CDH2: variants seen among roughly 807,000 people sequenced by gnomAD.
The protein encoded by CDH2 is cadherin 2.
In CDH2, 17 loss-of-function variants were observed where a neutral mutation model predicts 92.0. The ratio of observed to expected loss-of-function variants is 0.18; its 90% CI spans 0.13 to 0.28. The LOEUF (loss-of-function observed/expected upper bound fraction) is 0.28, where lower values mean the gene tolerates loss of function less well. Among genes scored for constraint, CDH2 ranks in the 10% least tolerant of loss-of-function variants. The pLI, the probability that CDH2 is intolerant of heterozygous loss-of-function variation, is 1.00. For synonymous variants in CDH2, 419 were observed against 415.9 expected (o/e 1.01, Z -0.09); for missense variants, 862 against 1,133.1 (o/e 0.76, Z 3.44).
chr18:28,060,249 CA>C (rs1248946520), intron 2 of CDH2, among the ~76,000 whole-genome samples: 1 of 152,114 alleles, frequency 6.6e-6, no homozygotes, highest in Admixed American at 6.5e-5. Context: ...TGTAGTGGCA[CA>C]ATCTCGGTTC....
chr18:28,066,403 G>A (rs545242399), intron 2 of CDH2, among the ~76,000 whole-genome samples: 71 of 152,156 alleles, frequency 4.7e-4, no homozygotes, highest in African/African-American at 1.6e-3. Flanking sequence ...TTTAGCACAA[G>A]AGTTCGAACA....
chr18:27,944,866 A>G (rs1429400490), intron 6 of CDH2, among the ~76,000 whole-genome samples: 1 of 151,754 alleles, frequency 6.6e-6, no homozygotes, highest in African/African-American at 2.4e-5. Context: ...GCAGTGAGCT[A>G]TGATCATGCC....
chr18:27,943,426 A>G (rs1448041437), intron 6 of CDH2, among the ~76,000 whole-genome samples: 1 of 152,226 alleles, frequency 6.6e-6, no homozygotes, highest in South Asian at 2.1e-4. Flanking sequence ...CTTAATATGT[A>G]TTTCATAGAC....
rs34443556 is a variant in CDH2 at position 28,106,473 on chromosome 18, GT to G, written c.172+41199del. On this transcript the variant is annotated intron_variant, in intron 2 of 15. Coordinates refer to ENST00000269141, the MANE Select transcript of CDH2 (RefSeq NM_001792.5). ...ATGTTATGGACATCAACTTACCAGA[GT>G]TTTTTTTTTTGTTTCTTCCCAGATG... Among the ~76,000 whole-genome samples the G allele has an allele frequency of 2.2e-3, 319 of 146,808 alleles. 1 individual carries two copies. The highest frequency in any genetic ancestry group is 3.4e-3 in the Non-Finnish European group (224 of 66,838).
chr18:28,028,242 T>C (rs368124290), intron 2 of CDH2, among the ~76,000 whole-genome samples: 4 of 152,188 alleles, frequency 2.6e-5, no homozygotes, highest in East Asian at 1.9e-4. Context: ...ACAGAAACCA[T>C]TGAGAACAAA....
chr18:28,088,779 C>T (rs2014984143), intron 2 of CDH2, among the ~76,000 whole-genome samples: 1 of 152,076 alleles, frequency 6.6e-6, no homozygotes, highest in African/African-American at 2.4e-5. Flanking sequence ...TGGGGGCCTT[C>T]TATGCATAGC....
chr18:28,102,576 C>G (rs2015244771), intron 2 of CDH2, among the ~76,000 whole-genome samples: 1 of 152,052 alleles, frequency 6.6e-6, no homozygotes, highest in African/African-American at 2.4e-5. Flanking sequence ...AGAGCAATTG[C>G]AGAGCAGATT....
intron 2 of CDH2, among the ~76,000 whole-genome samples, chr18:28,110,857 A>G (rs1599108513): frequency 2.0e-5 from 3 of 152,034 alleles, no homozygotes; most frequent in Non-Finnish European, 4.4e-5. Context: ...TGGCTATAGA[A>G]CCCAAACCAC....
chr18:28,078,156 G>C (rs1001242924), intron 2 of CDH2, among the ~76,000 whole-genome samples: 3 of 151,976 alleles, frequency 2.0e-5, no homozygotes, highest in Non-Finnish European at 4.4e-5. Context: ...TCATGAAAAT[G>C]AAGTTCAAAG....
intron 1 of CDH2, among the ~76,000 whole-genome samples, chr18:28,158,380 A>G (rs1281780680): frequency 6.6e-6 from 1 of 152,226 alleles, no homozygotes; most frequent in Non-Finnish European, 1.5e-5. Context: ...GAGGTTGCAG[A>G]GCTAATATCG....
At chr18:28,129,072 C>A (rs374537251) in intron 2 of CDH2, among the ~76,000 whole-genome samples, 9 of 152,180 alleles carry the variant, frequency 5.9e-5, no homozygotes, top group East Asian at 3.8e-4. Flanking sequence ...CACTCAAAAG[C>A]ATTAGGCATC....
At position 28,132,490 on chromosome 18, in the gene CDH2, A is replaced by G. The variant is rs1269234427; in HGVS notation, c.172+15183T>C. ...CCACTGAGGGAAAGGGAAGGAGGTG[A>G]GGAGAGAAGGACGGAAGGGGGCAAA... On this transcript the variant is annotated intron_variant, in intron 2 of 15. Transcript: ENST00000269141. Among the ~76,000 whole-genome samples the G allele has an allele frequency of 3.3e-5, 5 of 152,104 alleles. No individual in the cohort carries two copies. In the East Asian group the frequency reaches 9.7e-4, roughly 29 times the overall value.
intron 14 of CDH2, among the ~76,000 whole-genome samples, chr18:27,979,993 T>C (rs1429440415): frequency 6.6e-6 from 1 of 152,174 alleles, no homozygotes; most frequent in Non-Finnish European, 1.5e-5. Flanking sequence ...AATCAAAGCT[T>C]TTTGAAACCA....
intron 2 of CDH2, among the ~76,000 whole-genome samples, chr18:28,037,068 A>C (rs1405129638): frequency 6.6e-6 from 1 of 152,152 alleles, no homozygotes. Flanking sequence ...ACTCAGTAGC[A>C]CTCAAAGTGC....
chr18:28,035,165 T>A (rs1215366562), intron 2 of CDH2, among the ~76,000 whole-genome samples: 2 of 152,070 alleles, frequency 1.3e-5, no homozygotes, highest in Non-Finnish European at 2.9e-5. Context: ...TTACATGACA[T>A]ACTTTCTTTT....
intron 2 of CDH2, among the ~76,000 whole-genome samples, chr18:28,133,240 A>T (rs1267867076): frequency 6.6e-6 from 1 of 152,182 alleles, no homozygotes; most frequent in Non-Finnish European, 1.5e-5. Context: ...CATATCTGTA[A>T]CACAGGATTA....
chr18:28,048,747 C>G (rs1005583810), intron 2 of CDH2, among the ~76,000 whole-genome samples: 22 of 152,136 alleles, frequency 1.4e-4, no homozygotes, highest in Non-Finnish European at 8.8e-5. Context: ...TACTTCAGAA[C>G]AGGCAAACAC....
chr18:27,972,114 A>G (rs1010022131), intron 14 of CDH2, among the ~76,000 whole-genome samples: 1 of 151,932 alleles, frequency 6.6e-6, no homozygotes, highest in African/African-American at 2.4e-5. Flanking sequence ...CCTTCTGTCT[A>G]GGCATCTTGC....
In CDH2 at chr18:27,979,077, G is replaced by C. The variant is rs372698557; in HGVS notation, c.2349+3867C>G. 9.9e-5 allele frequency among the ~76,000 whole-genome samples: 15 copies of C among 152,056 alleles called. No homozygotes were observed. The East Asian group carries it at 2.5e-3, about 25-fold the overall frequency. Reference sequence around the variant, plus strand: ...AAAGACCCATTAAGAGAATAAAAAAGCTATAGAATGAGAGAATATATTTAC... The same window carrying C: ...AAAGACCCATTAAGAGAATAAAAAACCTATAGAATGAGAGAATATATTTAC... On this transcript the variant is annotated intron_variant, in intron 14 of 15. Coordinates refer to ENST00000269141, the MANE Select transcript of CDH2 (RefSeq NM_001792.5).
Sources: gnomAD v4.1 joint callset for allele counts (sites outside exome capture counted in the v4.1 genomes callset) on GRCh38, gnomAD v4.1.1 for gene constraint, MANE v1.5 for transcripts, NCBI Gene and HGNC (gene_info 2026-07-23, HGNC 2026-07-21) for gene names.